Variants in LUZP2 observed in about 807,000 individuals in gnomAD.
LUZP2 encodes leucine zipper protein 2.
A neutral mutation model predicts 51.6 loss-of-function variants in LUZP2; 52 were observed. That is an observed-to-expected ratio of 1.01 (90% CI 0.81 to 1.27). The LOEUF is 1.27. Among genes scored for constraint, LUZP2 ranks in the 50% most tolerant of loss-of-function variants. LUZP2 has a pLI of 0.00. For synonymous variants in LUZP2, 154 were observed against 137.3 expected, an observed-to-expected ratio of 1.12 and a Z score of -0.85; for missense variants, 436 against 395.4, an observed-to-expected ratio of 1.10 and a Z score of -0.87.
rs528205106 is a variant in LUZP2 at position 24,675,589 on chromosome 11, G to A, written c.63-53580G>A. ...CCTCTATATTTGAATAAAATTTGCT[G>A]TACATTTGAATAAAGTAAGCTCTAC... is the stretch of plus-strand genomic sequence containing the variant. On this transcript the variant is annotated intron_variant, in intron 1 of 11. Coordinates refer to ENST00000336930, the MANE Select transcript of LUZP2 (RefSeq NM_001009909.4). 4.3e-4 allele frequency among the ~76,000 whole-genome samples: 65 copies of A among 152,050 alleles called. 1 individual carries two copies. The highest frequency in any genetic ancestry group is 1.4e-3 in the African/African-American group (60 of 41,502).
chr11:25,014,173 A>C (rs982804567), intron 9 of LUZP2, among the ~76,000 whole-genome samples: 6 of 152,160 alleles, frequency 3.9e-5, no homozygotes, highest in African/African-American at 1.4e-4. Context: ...GGTTGGTTCC[A>C]AGTCTTTGCT....
chr11:24,939,071 CTCTT>C (rs1381188440), intron 7 of LUZP2, among the ~76,000 whole-genome samples: 1 of 150,906 alleles, frequency 6.6e-6, no homozygotes, highest in Non-Finnish European at 1.5e-5. Context: ...CTCTCTCTCT[CTCTT>C]TTTTTTTAAT....
At chr11:24,719,952 G>A (rs1018141751) in intron 1 of LUZP2, among the ~76,000 whole-genome samples, 2 of 152,110 alleles carry the variant, frequency 1.3e-5, no homozygotes, top group Non-Finnish European at 2.9e-5. Context: ...ACAAAAGATC[G>A]CAAATACAAG....
chr11:24,914,545 C>T lies in LUZP2; in HGVS notation c.522+7C>T, dbSNP rs745644147. On this transcript the variant is annotated splice_region_variant and intron_variant, in intron 7 of 11. Transcript: ENST00000336930. ...GAAGGATTTATTATTTAAGGTGAGTCTCTTTTCTCTCTTTTCCCTGAAACT... is the reference window on the plus strand; with the variant it reads ...GAAGGATTTATTATTTAAGGTGAGTTTCTTTTCTCTCTTTTCCCTGAAACT... 4 of 1,569,450 alleles carry T rather than the reference C, an allele frequency of 2.5e-6. No homozygotes were observed. The highest frequency in any genetic ancestry group is 3.5e-6 in the Non-Finnish European group (4 of 1,152,388).
chr11:24,999,266 T>A (rs1856602564), intron 9 of LUZP2, among the ~76,000 whole-genome samples: 1 of 151,980 alleles, frequency 6.6e-6, no homozygotes, highest in East Asian at 1.9e-4. Flanking sequence ...AAATGATAAT[T>A]TCCAGAGGTA....
intron 1 of LUZP2, among the ~76,000 whole-genome samples, chr11:24,700,179 A>T (rs1237397015): frequency 6.7e-6 from 1 of 149,166 alleles, no homozygotes; most frequent in Non-Finnish European, 1.5e-5. Context: ...CTCTTGCCTC[A>T]GCCTCCCCAG....
At chr11:24,546,080 G>A (rs1237722007) in intron 1 of LUZP2, among the ~76,000 whole-genome samples, 1 of 151,904 alleles carries the variant, frequency 6.6e-6, no homozygotes, top group East Asian at 1.9e-4. Context: ...TTGGCTCTTG[G>A]CTTGCCTGTT....
At chr11:24,673,466 G>T (rs1031157756) in intron 1 of LUZP2, among the ~76,000 whole-genome samples, 4 of 152,106 alleles carry the variant, frequency 2.6e-5, no homozygotes, top group Admixed American at 6.6e-5. Context: ...AGGGTGCAGG[G>T]GTGGTCATGG....
At chr11:24,735,512 C>A (rs1051976579) in intron 3 of LUZP2, among the ~76,000 whole-genome samples, 1 of 151,822 alleles carries the variant, frequency 6.6e-6, no homozygotes, top group Non-Finnish European at 1.5e-5. Context: ...TACTAAAGCA[C>A]TTTACAATAA....
intron 10 of LUZP2, among the ~76,000 whole-genome samples, chr11:25,069,158 G>T (rs2134052331): frequency 6.6e-6 from 1 of 151,946 alleles, no homozygotes; most frequent in African/African-American, 2.4e-5. Context: ...TGCAACATGT[G>T]AGGTGCTATC....
intron 1 of LUZP2, among the ~76,000 whole-genome samples, chr11:24,528,308 T>C (rs1342353436): frequency 5.3e-5 from 8 of 151,262 alleles, no homozygotes; most frequent in Admixed American, 4.0e-4. Flanking sequence ...CAGGAATTTC[T>C]ATAATCTTGG....
At chr11:24,534,645 G>A (rs1175044542) in intron 1 of LUZP2, among the ~76,000 whole-genome samples, 1 of 151,256 alleles carries the variant, frequency 6.6e-6, no homozygotes, top group East Asian at 1.9e-4. Flanking sequence ...AAACTTTCTT[G>A]CATGTAGTAA....
intron 4 of LUZP2, among the ~76,000 whole-genome samples, chr11:24,760,141 G>T (rs1590467622): frequency 6.6e-6 from 1 of 152,098 alleles, no homozygotes; most frequent in Admixed American, 6.6e-5. Flanking sequence ...ATTGGCAATT[G>T]GTTATCTAAG....
chr11:24,811,733 ATT>A (rs1850029696), intron 5 of LUZP2, among the ~76,000 whole-genome samples: 1 of 152,124 alleles, frequency 6.6e-6, no homozygotes, highest in South Asian at 2.1e-4. Flanking sequence ...CTTCCAAGGC[ATT>A]TCACTCTAGC....
chr11:24,954,015 T>TC (rs1379025517), intron 7 of LUZP2, among the ~76,000 whole-genome samples: 1 of 152,028 alleles, frequency 6.6e-6, no homozygotes, highest in Non-Finnish European at 1.5e-5. Context: ...TAATCATCTT[T>TC]TTTTTTTTCT....
chr11:24,515,042 C>A (rs969012502), intron 1 of LUZP2, among the ~76,000 whole-genome samples: 1 of 152,172 alleles, frequency 6.6e-6, no homozygotes, highest in Non-Finnish European at 1.5e-5. Flanking sequence ...TTAATGCTTG[C>A]AAGTGAAGGA....
intron 1 of LUZP2, among the ~76,000 whole-genome samples, chr11:24,629,544 C>A (rs921526896): frequency 2.9e-5 from 2 of 68,062 alleles, no homozygotes; most frequent in Admixed American, 2.2e-4. Flanking sequence ...ATATATATTC[C>A]ATTGCATATA....
intron 9 of LUZP2, among the ~76,000 whole-genome samples, chr11:25,029,049 A>G (rs778861240): frequency 2.0e-5 from 3 of 152,194 alleles, no homozygotes; most frequent in Non-Finnish European, 4.4e-5. Context: ...ACTCATGGAC[A>G]TAGAGAGTAG....
chr11:24,559,410 TA>T (rs1851966452), intron 1 of LUZP2, among the ~76,000 whole-genome samples: 1 of 152,192 alleles, frequency 6.6e-6, no homozygotes, highest in African/African-American at 2.4e-5. Flanking sequence ...CTTCAGTGGC[TA>T]AAAGACAACT....
Sources: allele counts gnomAD v4.1 joint callset (sites outside exome capture counted in the v4.1 genomes callset), GRCh38; gene constraint gnomAD v4.1.1; transcripts MANE v1.5; gene names NCBI Gene and HGNC (gene_info 2026-07-23, HGNC 2026-07-21).